AGTPBP1: variants seen among roughly 807,000 people sequenced by gnomAD.
AGTPBP1 encodes the protein cytosolic carboxypeptidase 1.
In AGTPBP1, 70 loss-of-function variants were observed where a neutral mutation model predicts 143.9. The ratio of observed to expected loss-of-function variants is 0.49; its 90% confidence interval spans 0.40 to 0.59. The LOEUF (loss-of-function observed/expected upper bound fraction) is 0.59, where lower values mean the gene tolerates loss of function less well. Ranked by LOEUF, AGTPBP1 falls within the 20% of genes least tolerant of loss-of-function variation. The probability of loss-of-function intolerance (pLI) is 0.00; values close to 1 mark genes in which losing one functional copy is unlikely to be tolerated. For synonymous variants in AGTPBP1, 463 were observed against 500.2 expected (o/e 0.93, Z 0.99); for missense variants, 1,229 against 1,464.5 (o/e 0.84, Z 2.62).
At chr9:85,607,779 G>A (rs1425772871) in intron 17 of AGTPBP1, among the ~76,000 whole-genome samples, 1 of 152,030 alleles carries the variant, frequency 6.6e-6, no homozygotes, top group Non-Finnish European at 1.5e-5. Context: ...GTAAAATGTT[G>A]GAGTTGATGT....
chr9:85,664,305 C>G (rs1834010916), intron 8 of AGTPBP1, among the ~76,000 whole-genome samples: 1 of 152,124 alleles, frequency 6.6e-6, no homozygotes, highest in Admixed American at 6.6e-5. Flanking sequence ...GGGCTCTAGA[C>G]ACTTCTTTGC....
At chr9:85,600,523 G>A (rs1829594896) in intron 17 of AGTPBP1, among the ~76,000 whole-genome samples, 2 of 152,090 alleles carry the variant, frequency 1.3e-5, no homozygotes, top group Admixed American at 6.5e-5. Flanking sequence ...CTAAGACAAG[G>A]AAGGAGAGGG....
chr9:85,611,620 T>C (rs553068322), intron 17 of AGTPBP1, among the ~76,000 whole-genome samples: 2 of 152,134 alleles, frequency 1.3e-5, no homozygotes, highest in South Asian at 2.1e-4. Context: ...CTTAGGTAGA[T>C]AGAGAAGACA....
At chr9:85,796,450 G>A in the AGTPBP1 span, among the ~76,000 whole-genome samples, 8 of 151,998 alleles carry the variant, frequency 5.3e-5, no homozygotes, top group Non-Finnish European at 1.2e-4. Flanking sequence ...CTCAAATTAC[G>A]ATGGTAACTG....
chr9:85,586,262 T>TA (rs1828600637), intron 22 of AGTPBP1, among the ~76,000 whole-genome samples: 1 of 151,468 alleles, frequency 6.6e-6, no homozygotes, highest in Non-Finnish European at 1.5e-5. Flanking sequence ...AATGCTCCTA[T>TA]AAAAAAACAC....
chr9:85,744,856 A>C (rs995195117), upstream of AGTPBP1, among the ~76,000 whole-genome samples: 1 of 152,254 alleles, frequency 6.6e-6, no homozygotes, highest in African/African-American at 2.4e-5. Flanking sequence ...GACGCCTTTC[A>C]ATGTGATTCA....
At chr9:85,762,982 T>C in the AGTPBP1 span, among the ~76,000 whole-genome samples, 1 of 151,498 alleles carries the variant, frequency 6.6e-6, no homozygotes, top group Admixed American at 6.6e-5. Flanking sequence ...TGAAAGCATC[T>C]AGACAAAAAA....
chr9:85,564,277 A>G (rs1826936772), intron 25 of AGTPBP1, among the ~76,000 whole-genome samples: 1 of 152,278 alleles, frequency 6.6e-6, no homozygotes, highest in African/African-American at 2.4e-5. Flanking sequence ...TCAAGCCTTC[A>G]GGTTTTGGAC....
intron 17 of AGTPBP1, among the ~76,000 whole-genome samples, chr9:85,610,909 T>C (rs570939983): frequency 1.3e-5 from 2 of 152,358 alleles, no homozygotes; most frequent in South Asian, 2.1e-4. Flanking sequence ...TATGTTGTAC[T>C]GACCTAACAA....
chr9:85,643,775 T>C (rs1382789796), intron 12 of AGTPBP1, among the ~76,000 whole-genome samples: 2 of 152,172 alleles, frequency 1.3e-5, no homozygotes, highest in African/African-American at 2.4e-5. Context: ...ATGAATCCCA[T>C]GATAAGAGGG....
At chr9:85,783,407 C>T in the AGTPBP1 span, among the ~76,000 whole-genome samples, 26,335 of 152,148 alleles carry the variant, frequency 0.17, 2,612 homozygotes, top group Middle Eastern at 0.3. Context: ...TAATTCTTTT[C>T]ATATTTTCCC....
the AGTPBP1 span, chr9:85,793,362 A>C: frequency 6.6e-6 from 1 of 152,208 alleles, no homozygotes; most frequent in Non-Finnish European, 1.5e-5. Context: ...ATCAGTCCTC[A>C]TTTAGCATCT....
chr9:85,779,813 T>C, the AGTPBP1 span, among the ~76,000 whole-genome samples: 19 of 152,206 alleles, frequency 1.2e-4, no homozygotes, highest in African/African-American at 4.6e-4. Flanking sequence ...TGAGCCATGA[T>C]TGCACCACTA....
intron 14 of AGTPBP1, among the ~76,000 whole-genome samples, chr9:85,631,656 G>GT (rs1218824501): frequency 6.6e-6 from 1 of 151,778 alleles, no homozygotes; most frequent in Non-Finnish European, 1.5e-5. Context: ...GATGCTATAG[G>GT]TAAAAAAAAA....
chr9:85,604,121 C>T (rs1026951398), intron 17 of AGTPBP1, among the ~76,000 whole-genome samples: 1 of 152,302 alleles, frequency 6.6e-6, no homozygotes, highest in Middle Eastern at 3.4e-3. Flanking sequence ...TGAGTGAACA[C>T]ATCAGCAGTA....
At chr9:85,591,199 G>T (rs1230984463) in intron 19 of AGTPBP1, among the ~76,000 whole-genome samples, 5 of 151,332 alleles carry the variant, frequency 3.3e-5, no homozygotes, top group African/African-American at 7.3e-5. Context: ...AAAAAGGGGG[G>T]GAGTACTAGA....
At chr9:85,727,848 T>A (rs760801024) in intron 1 of AGTPBP1, among the ~76,000 whole-genome samples, 1 of 151,724 alleles carries the variant, frequency 6.6e-6, no homozygotes, top group Non-Finnish European at 1.5e-5. Flanking sequence ...GATACCTCCA[T>A]CTCTACAAAA....
the AGTPBP1 span, among the ~76,000 whole-genome samples, chr9:85,755,492 T>C: frequency 2.0e-5 from 3 of 152,180 alleles, no homozygotes; most frequent in Admixed American, 6.5e-5. Flanking sequence ...ACAATGCAAA[T>C]TGGCTTTCCT....
chr9:85,605,651 C>T (rs1177940543), intron 17 of AGTPBP1, among the ~76,000 whole-genome samples: 1 of 151,848 alleles, frequency 6.6e-6, no homozygotes, highest in Non-Finnish European at 1.5e-5. Context: ...AGTAGAAAGA[C>T]AAAAAGATGA....
Sources: allele counts gnomAD v4.1 joint callset (sites outside exome capture counted in the v4.1 genomes callset), GRCh38; gene constraint gnomAD v4.1.1; transcripts MANE v1.5; gene names NCBI Gene and HGNC (gene_info 2026-07-23, HGNC 2026-07-21).